The following GRM7 variants were observed in gnomAD, a reference collection of about 807,000 sequenced individuals.
The protein encoded by GRM7 is metabotropic glutamate receptor 7.
Under a neutral mutation model 84.5 loss-of-function variants are expected in GRM7, and 35 were observed. That is an observed-to-expected ratio of 0.41 (90% CI 0.32 to 0.55). The LOEUF (loss-of-function observed/expected upper bound fraction) is 0.55. GRM7 is among the 20% of genes least tolerant of loss of function. The pLI is 0.19. For missense variants in GRM7, 1,003 were observed against 1,194.6 expected (o/e 0.84, Z 2.36); for synonymous variants, 487 against 455.1 (o/e 1.07, Z -0.89).
chr3:7,191,189 C>T (rs1352154940), intron 2 of GRM7, among the ~76,000 whole-genome samples: 1 of 152,068 alleles, frequency 6.6e-6, no homozygotes, highest in East Asian at 1.9e-4. Context: ...GTCAGTGCTT[C>T]CTCCATGAGT....
intron 1 of GRM7, among the ~76,000 whole-genome samples, chr3:6,922,092 G>A (rs1053330146): frequency 2.0e-5 from 3 of 152,204 alleles, no homozygotes; most frequent in African/African-American, 7.2e-5. Flanking sequence ...TTCCGAGCAC[G>A]CCTCTTTCTG....
intron 1 of GRM7, among the ~76,000 whole-genome samples, chr3:6,961,395 G>A (rs1417829848): frequency 6.6e-6 from 1 of 152,030 alleles, no homozygotes; most frequent in Non-Finnish European, 1.5e-5. Context: ...TTCTCCATTT[G>A]TTGACTTTCC....
intron 2 of GRM7, among the ~76,000 whole-genome samples, chr3:7,298,331 G>C (rs902327984): frequency 2.0e-5 from 3 of 152,104 alleles, no homozygotes; most frequent in Admixed American, 6.6e-5. Flanking sequence ...TTTACTTTTT[G>C]TAGTGTTATT....
intron 2 of GRM7, among the ~76,000 whole-genome samples, chr3:7,272,204 A>G (rs945394507): frequency 1.3e-5 from 2 of 151,964 alleles, no homozygotes; most frequent in Non-Finnish European, 2.9e-5. Context: ...TGACATTTTT[A>G]CAGCCTTATT....
intron 1 of GRM7, among the ~76,000 whole-genome samples, chr3:7,096,248 G>C (rs1698855528): frequency 6.6e-6 from 1 of 152,020 alleles, no homozygotes; most frequent in South Asian, 2.1e-4. Context: ...CACCTGGAGT[G>C]AGTGCAGACC....
intron 1 of GRM7, among the ~76,000 whole-genome samples, chr3:7,067,411 C>A (rs1001360690): frequency 1.1e-4 from 16 of 151,944 alleles, no homozygotes; most frequent in African/African-American, 3.4e-4. Context: ...AGAACTCAAC[C>A]CTTTTTACAA....
At position 7,687,069 on chromosome 3, in the gene GRM7, C is replaced by T. The variant is rs1334777837; in HGVS notation, c.2698+6774C>T. Among the ~76,000 whole-genome samples the T allele has an allele frequency of 2.9e-5, 4 of 139,420 alleles. No homozygotes were observed. The East Asian group carries it at 8.5e-4, about 30-fold the overall frequency. The allele number at this position is 139,420 out of a possible 152,430, so 91.5% of individuals were successfully genotyped here. Reference sequence around the variant, plus strand: ...GATGATTTGTGGCTCATAGTTCTGCCTTTGAGAAACACTGAACCAACTTTA... The same window carrying T: ...GATGATTTGTGGCTCATAGTTCTGCTTTTGAGAAACACTGAACCAACTTTA... On this transcript the variant is annotated intron_variant, in intron 9 of 9. Transcript: ENST00000357716.
intron 4 of GRM7, among the ~76,000 whole-genome samples, chr3:7,338,457 G>A (rs1701511051): frequency 6.6e-6 from 1 of 151,988 alleles, no homozygotes; most frequent in African/African-American, 2.4e-5. Flanking sequence ...ACTTATTCAT[G>A]TAGCTGAACA....
chr3:7,082,810 A>G (rs1021842639), intron 1 of GRM7, among the ~76,000 whole-genome samples: 1 of 152,160 alleles, frequency 6.6e-6, no homozygotes, highest in African/African-American at 2.4e-5. Context: ...ACCAATGGAA[A>G]AAGTGAACTG....
chr3:7,147,216 C>A (rs575223207), intron 2 of GRM7, among the ~76,000 whole-genome samples: 4 of 152,236 alleles, frequency 2.6e-5, no homozygotes, highest in Non-Finnish European at 4.4e-5. Flanking sequence ...CTTCAGCAGC[C>A]CTTGGAGAGG....
chr3:7,503,700 A>C (rs960221466), intron 7 of GRM7, among the ~76,000 whole-genome samples: 2 of 152,132 alleles, frequency 1.3e-5, no homozygotes, highest in Non-Finnish European at 2.9e-5. Flanking sequence ...CATGTTTGTC[A>C]CTGTTGTTTT....
At chr3:7,129,475 T>C (rs1404624847) in intron 1 of GRM7, among the ~76,000 whole-genome samples, 2 of 152,234 alleles carry the variant, frequency 1.3e-5, no homozygotes, top group African/African-American at 4.8e-5. Context: ...ATTACATTTT[T>C]AAAAAATCAG....
At chr3:6,933,888 A>G (rs578055596) in intron 1 of GRM7, among the ~76,000 whole-genome samples, 22 of 152,320 alleles carry the variant, frequency 1.4e-4, no homozygotes, top group African/African-American at 5.1e-4. Context: ...TACAAATGGT[A>G]GGAAATATTG....
chr3:7,116,533 T>C (rs1004212380), intron 1 of GRM7, among the ~76,000 whole-genome samples: 1 of 152,132 alleles, frequency 6.6e-6, no homozygotes, highest in Non-Finnish European at 1.5e-5. Context: ...ACTTATGCCC[T>C]TATTTAAAAA....
intron 1 of GRM7, among the ~76,000 whole-genome samples, chr3:7,029,059 T>G (rs1331192549): frequency 6.6e-6 from 1 of 152,124 alleles, no homozygotes; most frequent in South Asian, 2.1e-4. Flanking sequence ...ATCCCAGTAT[T>G]TTGGGAGGCC....
chr3:7,399,842 C>T (rs970452766), intron 4 of GRM7, among the ~76,000 whole-genome samples: 3 of 152,118 alleles, frequency 2.0e-5, no homozygotes, highest in African/African-American at 7.2e-5. Flanking sequence ...AAGCCATCAC[C>T]AGAAGCAAAT....
At chr3:7,260,689 G>GTGTGTA (rs1698390153) in intron 2 of GRM7, among the ~76,000 whole-genome samples, 1 of 151,802 alleles carries the variant, frequency 6.6e-6, no homozygotes, top group East Asian at 1.9e-4. Context: ...GTGTGTGTGT[G>GTGTGTA]TGTGTGTGTG....
At chr3:7,449,422 C>A (rs1489440985) in intron 5 of GRM7, among the ~76,000 whole-genome samples, 1 of 151,884 alleles carries the variant, frequency 6.6e-6, no homozygotes, top group Non-Finnish European at 1.5e-5. Flanking sequence ...CAACAGAAAC[C>A]CAATAAATGG....
At chr3:7,210,599 C>T (rs986263257) in intron 2 of GRM7, among the ~76,000 whole-genome samples, 1 of 152,068 alleles carries the variant, frequency 6.6e-6, no homozygotes, top group African/African-American at 2.4e-5. Context: ...TAAGATCCTG[C>T]ACCCTTCAAA....
Sources: gnomAD v4.1 joint callset for allele counts (sites outside exome capture counted in the v4.1 genomes callset) on GRCh38, gnomAD v4.1.1 for gene constraint, MANE v1.5 for transcripts, NCBI Gene and HGNC (gene_info 2026-07-23, HGNC 2026-07-21) for gene names.